Variants in SLC9A9 observed in about 807,000 individuals in gnomAD.
SLC9A9 encodes the protein solute carrier family 9 member A9.
In SLC9A9, 62 loss-of-function variants were observed where a neutral mutation model predicts 77.8. The observed-to-expected ratio is 0.80, with a 90% confidence interval of 0.65 to 0.98. The LOEUF is 0.98. Among genes scored for constraint, SLC9A9 ranks in the 50% least tolerant of loss-of-function variants. SLC9A9 has a pLI of 0.00. For synonymous variants in SLC9A9, 320 were observed against 283.5 expected (o/e 1.13, Z -1.29); for missense variants, 775 against 774.9 (o/e 1.00, Z 0.00).
chr3:143,360,695 T>C (rs1030632848), intron 14 of SLC9A9, among the ~76,000 whole-genome samples: 4 of 152,182 alleles, frequency 2.6e-5, no homozygotes, highest in Admixed American at 2.0e-4. Context: ...CAAAACTATG[T>C]GAGTGACTGG....
intron 5 of SLC9A9, among the ~76,000 whole-genome samples, chr3:143,656,908 G>C (rs2038899493): frequency 6.6e-6 from 1 of 152,162 alleles, no homozygotes; most frequent in Admixed American, 6.5e-5. Context: ...TCCAAAAAAT[G>C]ATTATTGTGA....
At chr3:143,370,476 T>C (rs920688078) in intron 13 of SLC9A9, among the ~76,000 whole-genome samples, 10 of 152,142 alleles carry the variant, frequency 6.6e-5, no homozygotes, top group Non-Finnish European at 1.0e-4. Flanking sequence ...ACCTGCTTCA[T>C]TGTATTCTTA....
intron 3 of SLC9A9, 144 bp from the exon 4 acceptor site, chr3:143,795,221 T>C: frequency 1.7e-6 from 1 of 582,058 alleles, no homozygotes; most frequent in Non-Finnish European, 3.1e-6. Context: ...GGCCTTATTG[T>C]GCTAATAGGG....
At chr3:143,662,756 T>G (rs2038999410) in intron 5 of SLC9A9, among the ~76,000 whole-genome samples, 1 of 151,490 alleles carries the variant, frequency 6.6e-6, no homozygotes, top group African/African-American at 2.4e-5. Flanking sequence ...GGGGGAGGGG[T>G]GTCTGCCATT....
intron 5 of SLC9A9, among the ~76,000 whole-genome samples, chr3:143,689,743 C>A (rs1216043775): frequency 6.6e-6 from 1 of 151,948 alleles, no homozygotes; most frequent in Non-Finnish European, 1.5e-5. Context: ...ATAAGGAGAT[C>A]TCCAAAATAC....
rs1015761998 is a variant in SLC9A9, at chr3:143,651,930, G to A, written c.755+325C>T. On this transcript the variant is annotated intron_variant, in intron 6 of 15. Transcript: ENST00000316549. The stretch of plus-strand genomic sequence containing the variant: ...ATCTGGAAAGTGACTTATATAAGGC[G>A]AAAAATTAAATGATATTGATTTGAA... 7.9e-5 allele frequency among the ~76,000 whole-genome samples: 12 copies of A among 152,160 alleles called. No homozygotes were observed. In the East Asian group the frequency reaches 9.6e-4, roughly 12 times the overall value.
At chr3:143,761,724 C>A (rs1337712088) in intron 4 of SLC9A9, among the ~76,000 whole-genome samples, 4 of 152,274 alleles carry the variant, frequency 2.6e-5, no homozygotes, top group South Asian at 2.1e-4. Context: ...GAAATAGGAA[C>A]ACTTTTACAC....
intron 8 of SLC9A9, among the ~76,000 whole-genome samples, chr3:143,554,398 G>A (rs1317354772): frequency 6.6e-6 from 1 of 151,962 alleles, no homozygotes; most frequent in Non-Finnish European, 1.5e-5. Context: ...GGAAACTTTG[G>A]GACCACCCTA....
intron 14 of SLC9A9, among the ~76,000 whole-genome samples, chr3:143,341,172 G>A (rs180889520): frequency 6.7e-4 from 102 of 152,152 alleles, no homozygotes; most frequent in African/African-American, 2.2e-3. Context: ...TGGTGTGATC[G>A]GGAGGTGAAT....
At chr3:143,842,915 T>C (rs1181022046) in intron 1 of SLC9A9, among the ~76,000 whole-genome samples, 1 of 152,230 alleles carries the variant, frequency 6.6e-6, no homozygotes, top group Non-Finnish European at 1.5e-5. Flanking sequence ...GAACTCAGTC[T>C]TGGCCTGAAT....
chr3:143,303,842 T>C (rs1054639022), intron 14 of SLC9A9, among the ~76,000 whole-genome samples: 2 of 152,188 alleles, frequency 1.3e-5, no homozygotes, highest in Non-Finnish European at 2.9e-5. Flanking sequence ...CAAAAAAGAC[T>C]TAGATTCAGG....
At chr3:143,671,375 C>T (rs1301429457) in intron 5 of SLC9A9, among the ~76,000 whole-genome samples, 1 of 151,984 alleles carries the variant, frequency 6.6e-6, no homozygotes, top group Non-Finnish European at 1.5e-5. Context: ...TCTAAGGAAA[C>T]AGAATTCCTA....
At chr3:143,450,197 T>G (rs556940165) in intron 12 of SLC9A9, among the ~76,000 whole-genome samples, 5 of 135,412 alleles carry the variant, frequency 3.7e-5, no homozygotes, top group Admixed American at 8.2e-5. Flanking sequence ...ATATAATATA[T>G]AAATATATAA....
chr3:143,641,383 G>GTTTT (rs1264945564), intron 6 of SLC9A9, among the ~76,000 whole-genome samples: 5 of 98,120 alleles, frequency 5.1e-5, no homozygotes, highest in Non-Finnish European at 8.7e-5. Context: ...TGTTGTCACA[G>GTTTT]TCTTTTTTTT....
chr3:143,837,720 A>G (rs2009604641), intron 1 of SLC9A9, among the ~76,000 whole-genome samples: 1 of 152,080 alleles, frequency 6.6e-6, no homozygotes, highest in Non-Finnish European at 1.5e-5. Flanking sequence ...CCCTGCTGAT[A>G]ACCGGTTTGG....
chr3:143,793,101 T>G (rs2008269989), intron 4 of SLC9A9, among the ~76,000 whole-genome samples: 1 of 152,218 alleles, frequency 6.6e-6, no homozygotes, highest in African/African-American at 2.4e-5. Context: ...GACTACTCTT[T>G]TAGTCAAATG....
At chr3:143,453,218 A>G (rs565000940) in intron 12 of SLC9A9, among the ~76,000 whole-genome samples, 5 of 152,054 alleles carry the variant, frequency 3.3e-5, no homozygotes, top group Non-Finnish European at 7.4e-5. Flanking sequence ...GACAGAAGAC[A>G]CACCATTAAA....
At chr3:143,279,401 A>C (rs1938149852) in intron 14 of SLC9A9, among the ~76,000 whole-genome samples, 1 of 152,186 alleles carries the variant, frequency 6.6e-6, no homozygotes, top group Admixed American at 6.5e-5. Context: ...GGGTGTCTTC[A>C]TGTTGGGCAT....
intron 9 of SLC9A9, among the ~76,000 whole-genome samples, chr3:143,523,135 C>T (rs181711116): frequency 3.0e-4 from 45 of 152,204 alleles, no homozygotes; most frequent in South Asian, 2.1e-3. Context: ...TTTAGCACCT[C>T]CAGAATCATA....
Sources: allele counts gnomAD v4.1 joint callset (sites outside exome capture counted in the v4.1 genomes callset), GRCh38; gene constraint gnomAD v4.1.1; transcripts MANE v1.5; gene names NCBI Gene and HGNC (gene_info 2026-07-23, HGNC 2026-07-21).